The following KIAA1217 variants were observed in gnomAD, a reference collection of about 807,000 sequenced individuals.
KIAA1217 encodes the protein sickle tail protein homolog.
KIAA1217 carries 88 observed loss-of-function variants against 163.9 expected under a neutral mutation model. That is an observed-to-expected ratio of 0.54 (90% confidence interval 0.45 to 0.64). The LOEUF is 0.64. KIAA1217 is among the 30% of genes least tolerant of loss of function. KIAA1217 has a pLI of 0.00. For synonymous variants in KIAA1217, 903 were observed against 923.1 expected (o/e 0.98, Z 0.39); for missense variants, 2,372 against 2,475.0 (o/e 0.96, Z 0.88).
rs2066565997 is a variant in KIAA1217 at position 24,494,754 on chromosome 10, GT to G, written c.1784+154del. On this transcript the variant is annotated intron_variant, in intron 7 of 20. Coordinates refer to ENST00000376454, the MANE Select transcript of KIAA1217 (RefSeq NM_019590.5). ...TATGGATCATGGGCGTTATTTTTTT[GT>G]TTTGGGGGGTTTGGTTGCTTTTTTT... 4.6e-6 allele frequency: 3 copies of G among 646,832 alleles called. No individual in the cohort carries two copies. The African/African-American group carries it at 5.6e-5, about 12-fold the overall frequency. 40.1% of individuals were successfully genotyped at this position (646,832 alleles called of 1,614,324 possible). A position where few individuals can be genotyped will look rare whatever the true frequency, so the allele number is the denominator to read the frequency against.
intron 5 of KIAA1217, among the ~76,000 whole-genome samples, chr10:24,463,938 A>G (rs2062685579): frequency 6.6e-6 from 1 of 152,214 alleles, no homozygotes; most frequent in Non-Finnish European, 1.5e-5. Context: ...GAGAAGGCAG[A>G]GAAGGATCTG....
chr10:23,864,513 T>A (rs944236626), intron 1 of KIAA1217, among the ~76,000 whole-genome samples: 1 of 78,460 alleles, frequency 1.3e-5, no homozygotes, highest in African/African-American at 4.0e-5. Context: ...TCTTCCTCAG[T>A]ACACACACCA....
intron 3 of KIAA1217, among the ~76,000 whole-genome samples, chr10:24,422,339 A>T (rs1253942536): frequency 6.6e-6 from 1 of 152,224 alleles, no homozygotes; most frequent in African/African-American, 2.4e-5. Context: ...AATTGATATT[A>T]TAATATTTGA....
intron 6 of KIAA1217, among the ~76,000 whole-genome samples, chr10:24,485,089 CTTTT>C (rs71506835): frequency 3.5e-5 from 5 of 140,952 alleles, no homozygotes; most frequent in Middle Eastern, 3.7e-3. Flanking sequence ...GACCTGCCCG[CTTTT>C]TTTTTTTTTT....
chr10:24,490,261 G>T (rs979157817), intron 6 of KIAA1217, among the ~76,000 whole-genome samples: 1 of 152,322 alleles, frequency 6.6e-6, no homozygotes, highest in South Asian at 2.1e-4. Flanking sequence ...AACAGTAATT[G>T]TATCAGTCCT....
chr10:24,223,381 T>G (rs2069943956), intron 2 of KIAA1217, among the ~76,000 whole-genome samples: 1 of 152,160 alleles, frequency 6.6e-6, no homozygotes, highest in Middle Eastern at 3.2e-3. Flanking sequence ...TTTTCCACTC[T>G]TTTTCTCCTA....
intron 1 of KIAA1217, among the ~76,000 whole-genome samples, chr10:23,846,161 A>C (rs944295984): frequency 6.6e-6 from 1 of 152,136 alleles, no homozygotes; most frequent in Admixed American, 6.6e-5. Flanking sequence ...GAAGTCAGGT[A>C]GCATGATGCC....
At chr10:24,522,443 A>C (rs918758777) in intron 12 of KIAA1217, among the ~76,000 whole-genome samples, 1 of 152,238 alleles carries the variant, frequency 6.6e-6, no homozygotes, top group Non-Finnish European at 1.5e-5. Flanking sequence ...AGTTCAAAGA[A>C]ATGTAATAGA....
At chr10:23,775,603 T>C (rs1564409540) in intron 1 of KIAA1217, among the ~76,000 whole-genome samples, 1 of 152,190 alleles carries the variant, frequency 6.6e-6, no homozygotes, top group Non-Finnish European at 1.5e-5. Flanking sequence ...TAAAATCTCA[T>C]ACAAAATTAA....
chr10:24,036,849 T>C (rs1277185912), intron 2 of KIAA1217, among the ~76,000 whole-genome samples: 1 of 151,976 alleles, frequency 6.6e-6, no homozygotes, highest in African/African-American at 2.4e-5. Flanking sequence ...ACATTGGAGG[T>C]TGAGACTTGG....
Position 24,047,677 on chromosome 10 carries a change from A to G in KIAA1217, c.-171+40303A>G, listed in dbSNP as rs1159118647. Among the ~76,000 whole-genome samples, 6 of 152,218 alleles carry G rather than the reference A, an allele frequency of 3.9e-5. No homozygotes were observed. The East Asian group carries it at 1.2e-3, about 29-fold the overall frequency. On this transcript the variant is annotated intron_variant, in intron 2 of 18. Transcript: ENST00000376462. ...TTCTTTATGTTTAAGGAGTAAACTT[A>G]CATGCATCTCCTTTTCTATAGCACA...
intron 1 of KIAA1217, among the ~76,000 whole-genome samples, chr10:23,715,034 T>A (rs1181085841): frequency 6.6e-6 from 1 of 152,222 alleles, no homozygotes; most frequent in African/African-American, 2.4e-5. Context: ...GGTAAGTATG[T>A]GTTTATGATG....
intron 2 of KIAA1217, among the ~76,000 whole-genome samples, chr10:24,320,454 T>C (rs2043991925): frequency 6.6e-6 from 1 of 152,230 alleles, no homozygotes; most frequent in South Asian, 2.1e-4. Flanking sequence ...TCATTTAAAT[T>C]TCTCCTAATC....
At chr10:24,299,273 A>G (rs1187044793) in intron 2 of KIAA1217, among the ~76,000 whole-genome samples, 1 of 152,142 alleles carries the variant, frequency 6.6e-6, no homozygotes, top group African/African-American at 2.4e-5. Flanking sequence ...CTTAGGTTTG[A>G]CCTGACTTGA....
At position 24,541,270 on chromosome 10, in the gene KIAA1217, A is replaced by G. The variant is rs1217689763; in HGVS notation, c.3535-1423A>G. ...TCATATTTTAAATTTAAAATCCCAC[A>G]AAAGAAGCCATGTGGCTCCGCTGCA... On this transcript the variant is annotated intron_variant, in intron 17 of 20. Coordinates refer to ENST00000376454, the MANE Select transcript of KIAA1217 (RefSeq NM_019590.5). Among the ~76,000 whole-genome samples, 26 of 151,724 alleles carry G rather than the reference A, an allele frequency of 1.7e-4. 2 individuals carry two copies. The Admixed American group carries it at 1.7e-3, about 10-fold the overall frequency.
chr10:24,531,850 C>T lies in KIAA1217; in HGVS notation c.3103C>T (p.Gln1035Ter). The T allele has an allele frequency of 6.3e-7, 1 of 1,599,028 alleles. No homozygotes were observed. Among genetic ancestry groups the T allele is most frequent in the Non-Finnish European group, 8.5e-7 (1 of 1,172,238 alleles). ...ELSEDSPNSEQDLEKLGGKSP... is the reference protein window; with the variant it reads ...ELSEDSPNSE ...TCCAGAAGATTCTCCAAATTCGGAA[C>T]AGGACTTGGAAAAGCTGGGGGGAAA... Residue 1035 changes from glutamine to a stop codon, truncating the protein, a stop_gained, in exon 15 of 21, where the codon CAG (glutamine) becomes TAG (stop). Coordinates refer to ENST00000376454, the MANE Select transcript of KIAA1217 (RefSeq NM_019590.5). LOFTEE classifies it high-confidence loss of function.
chr10:24,477,681 AC>A (rs760955333), intron 6 of KIAA1217, among the ~76,000 whole-genome samples: 28 of 152,256 alleles, frequency 1.8e-4, no homozygotes, highest in Non-Finnish European at 3.7e-4. Flanking sequence ...TTTAAATATA[AC>A]TGCCCTAGCT....
chr10:23,695,382 C>T lies in KIAA1217; in HGVS notation c.-321+148C>T, dbSNP rs1835958907. 6.6e-6 allele frequency: 1 copy of T among 152,368 alleles called. No individual in the cohort carries two copies. The highest frequency in any genetic ancestry group is 1.5e-5 in the Non-Finnish European group (1 of 68,216). The allele number at this position is 152,368 out of a possible 1,614,324, so 9.4% of individuals were successfully genotyped here. On this transcript the variant is annotated intron_variant, in intron 1 of 18. Transcript: ENST00000376462. This position sits in a 1 kb window ranked among gnomAD's most constrained non-coding sequence, Gnocchi z 4.9. ...AGCAAGTGAGCGTTTCGAGAGAGGGCAAGGACCCCCCCAGGAGGGCCAGGC... is the reference window on the plus strand; with the variant it reads ...AGCAAGTGAGCGTTTCGAGAGAGGGTAAGGACCCCCCCAGGAGGGCCAGGC...
intron 4 of KIAA1217, 25 bp from the exon 5 acceptor site, chr10:24,438,359 CAT>C: frequency 6.6e-7 from 1 of 1,520,780 alleles, no homozygotes; most frequent in Middle Eastern, 1.7e-4. Context: ...TTTCATCTGC[CAT>C]AGTTATCGAT....
Sources: gnomAD v4.1 joint callset for allele counts (sites outside exome capture counted in the v4.1 genomes callset) on GRCh38, gnomAD v4.1.1 for gene constraint, Gnocchi (gnomAD v3.1) non-coding constraint, MANE v1.5 for transcripts, NCBI Gene and HGNC (gene_info 2026-07-23, HGNC 2026-07-21) for gene names.